Variants in CTNNA3 observed in about 807,000 individuals in gnomAD.
The protein encoded by CTNNA3 is catenin alpha-3.
In CTNNA3, 76 loss-of-function variants were observed where a neutral mutation model predicts 95.7. The ratio of observed to expected loss-of-function variants is 0.79; its 90% CI spans 0.66 to 0.96. The LOEUF is 0.96. CTNNA3 is among the 40% of genes least tolerant of loss of function. The pLI, the probability that CTNNA3 is intolerant of heterozygous loss-of-function variation, is 0.00. For missense variants in CTNNA3, 1,191 were observed against 1,089.8 expected, an observed-to-expected ratio of 1.09 and a Z score of -1.31; for synonymous variants, 431 against 374.4, an observed-to-expected ratio of 1.15 and a Z score of -1.74.
At chr10:66,806,799 T>C (rs1418264085) in intron 7 of CTNNA3, among the ~76,000 whole-genome samples, 2 of 150,148 alleles carry the variant, frequency 1.3e-5, no homozygotes, top group East Asian at 3.9e-4. Context: ...TGTGTGTGTA[T>C]ACATATATAC....
chr10:66,516,842 T>C (rs1268451466), intron 11 of CTNNA3, among the ~76,000 whole-genome samples: 3 of 152,160 alleles, frequency 2.0e-5, no homozygotes, highest in African/African-American at 4.8e-5. Flanking sequence ...CGTTTTAAAT[T>C]GTGTTGTGTA....
intron 13 of CTNNA3, among the ~76,000 whole-genome samples, chr10:66,246,840 CAA>C (rs1437269919): frequency 6.6e-6 from 1 of 151,732 alleles, no homozygotes; most frequent in African/African-American, 2.4e-5. Flanking sequence ...ATCACGAGGT[CAA>C]GAGATCAAGA....
chr10:66,351,012 AT>A (rs1339038875), intron 12 of CTNNA3, among the ~76,000 whole-genome samples: 1 of 152,040 alleles, frequency 6.6e-6, no homozygotes, highest in Non-Finnish European at 1.5e-5. Context: ...AATATACTAT[AT>A]CAGATTATTT....
At chr10:66,482,408 T>C (rs1022563412) in intron 11 of CTNNA3, among the ~76,000 whole-genome samples, 11 of 152,180 alleles carry the variant, frequency 7.2e-5, no homozygotes, top group African/African-American at 2.6e-4. Context: ...AAATGCCTCA[T>C]TTAATCATGA....
Position 65,941,459 on chromosome 10 carries a change from A to G in CTNNA3, c.2401-20842T>C, listed in dbSNP as rs574979141. On this transcript the variant is annotated intron_variant, in intron 17 of 17. Transcript: ENST00000433211. The stretch of plus-strand genomic sequence containing the variant: ...AAAATGCGTTCAATATGCCAAGTCA[A>G]GATGCCTGGAATATTTAAGCTACCC... Among the ~76,000 whole-genome samples the G allele has an allele frequency of 9.8e-5, 15 of 152,352 alleles. No homozygotes were observed. The South Asian group carries it at 3.1e-3, about 32-fold the overall frequency.
At chr10:67,183,208 T>C (rs1410634432) in intron 6 of CTNNA3, among the ~76,000 whole-genome samples, 1 of 152,216 alleles carries the variant, frequency 6.6e-6, no homozygotes, top group Admixed American at 6.5e-5. Context: ...CAAAGGATTA[T>C]AAAACATGCT....
chr10:66,928,153 G>A (rs1847179869), intron 7 of CTNNA3: 7 of 1,614,050 alleles, frequency 4.3e-6, no homozygotes, highest in Non-Finnish European at 5.1e-6. Flanking sequence ...TGCTGACGCC[G>A]AGCACATCTC....
intron 9 of CTNNA3, among the ~76,000 whole-genome samples, chr10:66,639,824 A>G (rs1845455092): frequency 6.6e-6 from 1 of 152,164 alleles, no homozygotes; most frequent in African/African-American, 2.4e-5. Flanking sequence ...AAATAACATG[A>G]ATAAATTTAC....
At chr10:67,709,958 G>A (rs2133610199) in intron 1 of CTNNA3, among the ~76,000 whole-genome samples, 1 of 152,164 alleles carries the variant, frequency 6.6e-6, no homozygotes, top group East Asian at 1.9e-4. Flanking sequence ...CTTTTTAACA[G>A]GCCCCAGCAA....
chr10:66,811,239 G>T lies in CTNNA3; in HGVS notation c.1048-35715C>A, dbSNP rs189552533. Among the ~76,000 whole-genome samples the T allele has an allele frequency of 4.6e-5, 7 of 152,260 alleles. No homozygotes were observed. The East Asian group carries it at 1.2e-3, about 25-fold the overall frequency. Reference sequence around the variant, plus strand: ...TGTGGTGAGGGCTCTGACAACAAGGGCACATAAGATTTTCAAGATGTTCCA... The same window carrying T: ...TGTGGTGAGGGCTCTGACAACAAGGTCACATAAGATTTTCAAGATGTTCCA... On this transcript the variant is annotated intron_variant, in intron 7 of 17. Transcript: ENST00000433211.
rs964246236 is a variant in CTNNA3, at chr10:65,913,890, G to A, written c.*6440C>T. On this transcript the variant is annotated 3_prime_UTR_variant, in exon 18 of 18. Transcript: ENST00000433211. The stretch of plus-strand genomic sequence containing the variant: ...GGGGAACTGATGTGACATACCTAAG[G>A]TTGGCCTGAGTCTGCAGAAGCTGGG... 1.3e-5 allele frequency: 2 copies of A among 152,056 alleles called. No homozygotes were observed. Among genetic ancestry groups the A allele is most frequent in the East Asian group, 3.9e-4 (2 of 5,154 alleles). 9.4% of individuals were successfully genotyped at this position (152,056 alleles called of 1,614,324 possible).
chr10:66,675,749 G>C (rs1846830531), intron 9 of CTNNA3, among the ~76,000 whole-genome samples: 1 of 151,986 alleles, frequency 6.6e-6, no homozygotes, highest in African/African-American at 2.4e-5. Flanking sequence ...ATTTTTATTG[G>C]CACAGATACC....
intron 9 of CTNNA3, among the ~76,000 whole-genome samples, chr10:66,682,084 G>A (rs551457727): frequency 1.3e-5 from 2 of 152,290 alleles, no homozygotes; most frequent in Non-Finnish European, 1.5e-5. Context: ...TGTGCTGGAA[G>A]GAGGTTTGAT....
intron 5 of CTNNA3, among the ~76,000 whole-genome samples, chr10:67,348,779 C>T (rs1435798897): frequency 3.9e-5 from 6 of 152,186 alleles, no homozygotes; most frequent in South Asian, 4.2e-4. Flanking sequence ...CACATTTCAA[C>T]GTGAGATTTG....
At chr10:67,643,163 C>T (rs1035811254) in intron 2 of CTNNA3, among the ~76,000 whole-genome samples, 6 of 152,146 alleles carry the variant, frequency 3.9e-5, no homozygotes, top group African/African-American at 1.4e-4. Flanking sequence ...AAGTTCACGT[C>T]CTTTGTAGGG....
At chr10:66,800,978 C>T (rs1163981638) in intron 7 of CTNNA3, among the ~76,000 whole-genome samples, 1 of 150,222 alleles carries the variant, frequency 6.7e-6, no homozygotes, top group Non-Finnish European at 1.5e-5. Flanking sequence ...TTTTCACATA[C>T]AAAAAAAAAT....
At chr10:66,934,760 T>C (rs1847596528) in intron 7 of CTNNA3, among the ~76,000 whole-genome samples, 1 of 152,170 alleles carries the variant, frequency 6.6e-6, no homozygotes, top group Non-Finnish European at 1.5e-5. Flanking sequence ...AAATATAGTT[T>C]TTTTGGCCTG....
chr10:66,004,001 G>T (rs2078828386), intron 15 of CTNNA3, among the ~76,000 whole-genome samples: 1 of 152,146 alleles, frequency 6.6e-6, no homozygotes, highest in Non-Finnish European at 1.5e-5. Context: ...CTATAAACAA[G>T]AAAACAGAAT....
rs1394642133 is a variant in CTNNA3 at position 66,036,810 on chromosome 10, T to C, written c.2159+32498A>G. On this transcript the variant is annotated intron_variant, in intron 15 of 17. Transcript: ENST00000433211. ...TAAAAGAGAATTATTTGGCCTGGAC[T>C]ATATTACAGAGACTTATCATAGAAA... 2.0e-5 allele frequency among the ~76,000 whole-genome samples: 3 copies of C among 151,852 alleles called. 1 individual carries two copies. In the East Asian group the frequency reaches 5.8e-4, roughly 29 times the overall value.
Sources: gnomAD v4.1 joint callset for allele counts (sites outside exome capture counted in the v4.1 genomes callset) on GRCh38, gnomAD v4.1.1 for gene constraint, MANE v1.5 for transcripts, NCBI Gene and HGNC (gene_info 2026-07-23, HGNC 2026-07-21) for gene names.